Variants in PRKACB observed in about 807,000 individuals in gnomAD.
PRKACB encodes protein kinase cAMP-activated catalytic subunit beta.
Under a neutral mutation model 51.4 loss-of-function variants are expected in PRKACB, and 16 were observed. That is an observed-to-expected ratio of 0.31 (90% CI 0.21 to 0.47). The LOEUF (loss-of-function observed/expected upper bound fraction) is 0.47, where lower values mean the gene tolerates loss of function less well. PRKACB is among the 20% of genes least tolerant of loss of function. PRKACB has a pLI of 1.00. For missense variants in PRKACB, 309 were observed against 464.5 expected (o/e 0.67, Z 3.08); for synonymous variants, 147 against 154.4 (o/e 0.95, Z 0.35).
At chr1:84,220,544 C>G (rs1316100009) in intron 9 of PRKACB, among the ~76,000 whole-genome samples, 2 of 152,136 alleles carry the variant, frequency 1.3e-5, no homozygotes, top group African/African-American at 2.4e-5. Context: ...AGGCTTTCAA[C>G]TTTTCCTCAT....
chr1:84,108,255 T>C (rs886214827), intron 1 of PRKACB, among the ~76,000 whole-genome samples: 8 of 152,142 alleles, frequency 5.3e-5, no homozygotes, highest in Non-Finnish European at 7.4e-5. Context: ...TTCTCACTTA[T>C]AAGTGGGAGC....
chr1:84,189,817 G>T (rs974457708), intron 5 of PRKACB, among the ~76,000 whole-genome samples: 1 of 151,954 alleles, frequency 6.6e-6, no homozygotes, highest in Non-Finnish European at 1.5e-5. Flanking sequence ...GTATTATTGA[G>T]AGCAGATCAA....
chr1:84,210,710 C>T lies in PRKACB; in HGVS notation c.907-3443C>T, dbSNP rs181383903. 3.3e-3 allele frequency among the ~76,000 whole-genome samples: 502 copies of T among 152,218 alleles called. 2 individuals carry two copies. The highest frequency in any genetic ancestry group is 0.011 in the African/African-American group (477 of 41,542). On this transcript the variant is annotated intron_variant, in intron 8 of 9. Coordinates refer to ENST00000370685, the MANE Select transcript of PRKACB (RefSeq NM_182948.4). The stretch of plus-strand genomic sequence containing the variant: ...AGTTTTAAAGGAAAAATTAGATAGT[C>T]GCTCTTCCCATCATAGAAATCTTTA...
At chr1:84,079,531 TGTTTCATCAGTAAG>T (rs1647356544) in intron 1 of PRKACB, among the ~76,000 whole-genome samples, 1 of 152,232 alleles carries the variant, frequency 6.6e-6, no homozygotes, top group Non-Finnish European at 1.5e-5. Flanking sequence ...ATGTGGTTTA[TGTTTCATCAGTAAG>T]GTTTTGGTAT....
chr1:84,188,261 A>G (rs190965403), intron 5 of PRKACB, among the ~76,000 whole-genome samples: 31 of 152,116 alleles, frequency 2.0e-4, no homozygotes, highest in Admixed American at 1.8e-3. Context: ...ATTTTTATCA[A>G]TTATTTAATT....
chr1:84,211,041 T>C (rs1319200856), intron 8 of PRKACB, among the ~76,000 whole-genome samples: 1 of 151,980 alleles, frequency 6.6e-6, no homozygotes, highest in Non-Finnish European at 1.5e-5. Flanking sequence ...GGGTGTGATA[T>C]GGAGGTGAGG....
At chr1:84,090,741 C>G (rs1648393881) in intron 1 of PRKACB, among the ~76,000 whole-genome samples, 1 of 152,126 alleles carries the variant, frequency 6.6e-6, no homozygotes, top group Admixed American at 6.5e-5. Context: ...ACCTAGCCTC[C>G]AAAGTCAAGC....
chr1:84,199,083 A>C (rs1379179925), intron 7 of PRKACB, among the ~76,000 whole-genome samples: 1 of 141,854 alleles, frequency 7.0e-6, no homozygotes, highest in African/African-American at 2.6e-5. Flanking sequence ...ATATGTATAT[A>C]TATGCGTATA....
intron 1 of PRKACB, among the ~76,000 whole-genome samples, chr1:84,087,931 G>A (rs1648146222): frequency 6.6e-6 from 1 of 152,142 alleles, no homozygotes. Flanking sequence ...GGAGTAAAGA[G>A]TTGTCTTCAT....
intron 7 of PRKACB, among the ~76,000 whole-genome samples, chr1:84,199,480 T>A (rs899394034): frequency 3.3e-5 from 5 of 152,204 alleles, no homozygotes; most frequent in African/African-American, 1.2e-4. Flanking sequence ...AAAGACATGA[T>A]CTCATTCCTT....
At chr1:84,133,674 G>T (rs1652490843) in intron 1 of PRKACB, among the ~76,000 whole-genome samples, 1 of 152,178 alleles carries the variant, frequency 6.6e-6, no homozygotes, top group Non-Finnish European at 1.5e-5. Context: ...TACCCCTTGC[G>T]GGAGGGGGAG....
intron 9 of PRKACB, among the ~76,000 whole-genome samples, chr1:84,223,203 T>C (rs990370971): frequency 9.2e-5 from 14 of 152,122 alleles, no homozygotes; most frequent in African/African-American, 3.1e-4. Flanking sequence ...TGTTCATTAA[T>C]TTTTATTTTT....
chr1:84,217,469 C>G (rs945435010), intron 9 of PRKACB, among the ~76,000 whole-genome samples: 2 of 152,048 alleles, frequency 1.3e-5, no homozygotes, highest in African/African-American at 4.8e-5. Context: ...TACATAATTA[C>G]ATCTGAGTGA....
chr1:84,163,623 GACTCCC>G (rs1374963959), intron 1 of PRKACB, among the ~76,000 whole-genome samples: 2 of 151,948 alleles, frequency 1.3e-5, no homozygotes, highest in African/African-American at 4.8e-5. Flanking sequence ...GAACATCTCT[GACTCCC>G]ACTGTTTTTA....
upstream of PRKACB, among the ~76,000 whole-genome samples, chr1:84,142,824 T>A (rs1653555460): frequency 6.6e-6 from 1 of 152,252 alleles, no homozygotes; most frequent in African/African-American, 2.4e-5. Context: ...ATCAGTGTTT[T>A]CTTATTGGCC....
At chr1:84,201,197 C>A (rs564765442) in intron 7 of PRKACB, among the ~76,000 whole-genome samples, 12 of 152,200 alleles carry the variant, frequency 7.9e-5, no homozygotes, top group African/African-American at 2.9e-4. Flanking sequence ...GTGCCTATTT[C>A]ATAACACTAT....
At chr1:84,112,706 T>C (rs1450710800) in intron 1 of PRKACB, among the ~76,000 whole-genome samples, 1 of 152,142 alleles carries the variant, frequency 6.6e-6, no homozygotes, top group African/African-American at 2.4e-5. Context: ...CTAGTACAGG[T>C]CCTAAAGGGG....
At chr1:84,177,908 T>C (rs896805428) in intron 1 of PRKACB, among the ~76,000 whole-genome samples, 19 of 152,148 alleles carry the variant, frequency 1.2e-4, no homozygotes, top group Middle Eastern at 3.4e-3. Context: ...TAAAAATTCT[T>C]TTTCTCAGTT....
At chr1:84,081,251 G>A (rs962360447) in intron 1 of PRKACB, among the ~76,000 whole-genome samples, 16 of 152,068 alleles carry the variant, frequency 1.1e-4, no homozygotes, top group African/African-American at 3.9e-4. Flanking sequence ...TAACTATCTG[G>A]TGCCTGTATT....
Sources: gnomAD v4.1 joint callset for allele counts (sites outside exome capture counted in the v4.1 genomes callset) on GRCh38, gnomAD v4.1.1 for gene constraint, MANE v1.5 for transcripts, NCBI Gene and HGNC (gene_info 2026-07-23, HGNC 2026-07-21) for gene names.